Variants in TBC1D1 observed in about 807,000 individuals in gnomAD.
TBC1D1 encodes TBC1 (tre-2/USP6, BUB2, cdc16) domain family, member 1.
A neutral mutation model predicts 125.6 loss-of-function variants in TBC1D1; 89 were observed. The observed-to-expected ratio is 0.71, with a 90% CI of 0.60 to 0.85. The LOEUF (loss-of-function observed/expected upper bound fraction) is 0.85. TBC1D1 is among the 40% of genes least tolerant of loss of function. The pLI is 0.00. For synonymous variants in TBC1D1, 565 were observed against 564.1 expected (o/e 1.00, Z -0.02); for missense variants, 1,377 against 1,469.2 (o/e 0.94, Z 1.03).
chr4:37,951,585 C>T (rs1727883045), intron 2 of TBC1D1, among the ~76,000 whole-genome samples: 1 of 152,144 alleles, frequency 6.6e-6, no homozygotes, highest in South Asian at 2.1e-4. Flanking sequence ...CCAAGACTCT[C>T]CGCGAGATTT....
intron 2 of TBC1D1, among the ~76,000 whole-genome samples, chr4:37,909,186 C>T (rs1297920076): frequency 2.0e-5 from 3 of 152,172 alleles, no homozygotes; most frequent in African/African-American, 7.2e-5. Context: ...GGACCTTGTG[C>T]CTCCTCACCC....
chr4:38,046,434 A>G (rs1186152682), intron 10 of TBC1D1, among the ~76,000 whole-genome samples: 1 of 152,064 alleles, frequency 6.6e-6, no homozygotes, highest in Non-Finnish European at 1.5e-5. Flanking sequence ...AACATCAGAA[A>G]GTGGATTTGT....
Position 38,030,135 on chromosome 4 carries a change from C to T in TBC1D1, c.1302+2256C>T, listed in dbSNP as rs1467630022. On this transcript the variant is annotated intron_variant, in intron 7 of 19. Coordinates refer to ENST00000261439, the MANE Select transcript of TBC1D1 (RefSeq NM_015173.4). The stretch of plus-strand genomic sequence containing the variant: ...TTTCTTTTTTGTCTAGACAGCACCA[C>T]GTAGCTCTCCCTAAAACAGTGTGAT... 4.6e-5 allele frequency among the ~76,000 whole-genome samples: 7 copies of T among 152,184 alleles called. No individual in the cohort carries two copies. The East Asian group carries it at 5.8e-4, about 13-fold the overall frequency.
chr4:38,042,678 G>A (rs1748625098), intron 8 of TBC1D1, among the ~76,000 whole-genome samples: 1 of 152,178 alleles, frequency 6.6e-6, no homozygotes, highest in East Asian at 1.9e-4. Flanking sequence ...GTAACAGTCT[G>A]GCCAAGACCA....
chr4:37,978,730 C>T (rs1733757606), intron 2 of TBC1D1, among the ~76,000 whole-genome samples: 1 of 121,450 alleles, frequency 8.2e-6, no homozygotes, highest in Middle Eastern at 5.1e-3. Context: ...CTTTCAAAAA[C>T]GTTTTGAGTC....
intron 2 of TBC1D1, among the ~76,000 whole-genome samples, chr4:37,904,303 C>G (rs1056199304): frequency 6.6e-6 from 1 of 152,198 alleles, no homozygotes. Context: ...CTTCAGCTTT[C>G]AAAGATGAGA....
At chr4:37,941,440 G>T (rs1056644162) in intron 2 of TBC1D1, among the ~76,000 whole-genome samples, 1 of 152,074 alleles carries the variant, frequency 6.6e-6, no homozygotes, top group South Asian at 2.1e-4. Context: ...CTTGCTAGCG[G>T]TCTATCAATT....
rs185521443 is a variant in TBC1D1, at chr4:38,108,621, G to A, written c.2557+5464G>A. On this transcript the variant is annotated intron_variant, in intron 15 of 19. Coordinates refer to ENST00000261439, the MANE Select transcript of TBC1D1 (RefSeq NM_015173.4). The stretch of plus-strand genomic sequence containing the variant: ...TGGCATGCCTGTGCTGCCGCGAGAC[G>A]CTAAGCGTGTGTCCAGACTACACGT... 2.2e-3 allele frequency among the ~76,000 whole-genome samples: 341 copies of A among 152,316 alleles called. 1 individual carries two copies. Among genetic ancestry groups the A allele is most frequent in the Non-Finnish European group, 4.5e-3 (309 of 68,032 alleles).
intron 12 of TBC1D1, among the ~76,000 whole-genome samples, chr4:38,076,576 G>A (rs12233802): frequency 0.019 from 2,926 of 152,140 alleles, 69 homozygotes; most frequent in East Asian, 0.067. Flanking sequence ...AGGTACACAC[G>A]ACACACTGCT....
chr4:37,930,038 A>T (rs1217845661), intron 2 of TBC1D1, among the ~76,000 whole-genome samples: 2 of 152,216 alleles, frequency 1.3e-5, no homozygotes, highest in South Asian at 2.1e-4. Flanking sequence ...ATTCGTGCAC[A>T]TTATTGCCAA....
intron 1 of TBC1D1, among the ~76,000 whole-genome samples, chr4:37,895,181 A>C (rs145186639): frequency 6.6e-6 from 1 of 152,326 alleles, no homozygotes; most frequent in African/African-American, 2.4e-5. Flanking sequence ...TTCAATGATA[A>C]TATTCCTTTA....
intron 2 of TBC1D1, among the ~76,000 whole-genome samples, chr4:37,936,455 A>G (rs1724415834): frequency 6.6e-6 from 1 of 152,186 alleles, no homozygotes; most frequent in African/African-American, 2.4e-5. Context: ...AATCTGTTTG[A>G]GGGCAGTGAC....
intron 12 of TBC1D1, among the ~76,000 whole-genome samples, chr4:38,054,820 A>G (rs371918940): frequency 1.3e-5 from 2 of 152,184 alleles, no homozygotes; most frequent in East Asian, 1.9e-4. Context: ...ATGCTGCCAT[A>G]CTTCCGGGGT....
intron 2 of TBC1D1, among the ~76,000 whole-genome samples, chr4:37,929,218 T>A (rs1294408228): frequency 6.6e-6 from 1 of 152,226 alleles, no homozygotes; most frequent in African/African-American, 2.4e-5. Context: ...TGTCTATTCA[T>A]CTACCAGTCC....
intron 8 of TBC1D1, among the ~76,000 whole-genome samples, chr4:38,040,056 T>A (rs1334889686): frequency 6.6e-6 from 1 of 152,142 alleles, no homozygotes; most frequent in Non-Finnish European, 1.5e-5. Context: ...CATTTCTAAA[T>A]GTGAATTATT....
At chr4:38,046,729 TAAGC>T (rs1489983546) in intron 10 of TBC1D1, among the ~76,000 whole-genome samples, 2 of 152,242 alleles carry the variant, frequency 1.3e-5, no homozygotes, top group Non-Finnish European at 2.9e-5. Context: ...TTTATTTAAA[TAAGC>T]AAGTATCTAT....
rs1425803281 is a variant in TBC1D1, at chr4:37,960,703, C to T, written c.418-53806C>T. The T allele has an allele frequency of 5.0e-6, 8 of 1,614,036 alleles. No homozygotes were observed. The Admixed American group carries it at 1.0e-4, about 20-fold the overall frequency. ...AAACAAAAACAGCCAAGCTTTTCTG[C>T]CAAAAAGATGACCGAGAAGACTGTT... On this transcript the variant is annotated intron_variant, in intron 2 of 19. Transcript: ENST00000261439.
chr4:38,103,021 T>C lies in TBC1D1; in HGVS notation c.2421T>C (p.Gly807=), dbSNP rs768313925. Residue 807 remains glycine (G), a synonymous_variant, in exon 15 of 20, where the codon GGT becomes GGC. Coordinates refer to ENST00000261439, the MANE Select transcript of TBC1D1 (RefSeq NM_015173.4). ...AAGGTGTGCCACGTCATCACCGAGGTGAAATCTGGAAATTTCTAGCTGAGC... is the reference window on the plus strand; with the variant it reads ...AAGGTGTGCCACGTCATCACCGAGGCGAAATCTGGAAATTTCTAGCTGAGC... 2 of 1,614,170 alleles carry C rather than the reference T, an allele frequency of 1.2e-6. No homozygotes were observed. The highest frequency in any genetic ancestry group is 8.5e-7 in the Non-Finnish European group (1 of 1,180,026).
Position 38,115,874 on chromosome 4 carries a change from GAGGCGTTTA to G in TBC1D1, c.2724_2732del (p.Ala909_Lys911del). 6.2e-7 allele frequency: 1 copy of G among 1,614,222 alleles called. No individual in the cohort carries two copies. Among genetic ancestry groups the G allele is most frequent in the Non-Finnish European group, 8.5e-7 (1 of 1,180,030 alleles). On this transcript the variant is annotated inframe_deletion, in exon 16 of 20. Transcript: ENST00000261439. Reference sequence around the variant, plus strand: ...TTTGCTTCTTCATATGAGTGAGGAAGAGGCGTTTAAAATGCTCAAGTTTCTGATGTTTGA... The same window carrying G: ...TTTGCTTCTTCATATGAGTGAGGAAGAAATGCTCAAGTTTCTGATGTTTGA...
Sources: gnomAD v4.1 joint callset for allele counts (sites outside exome capture counted in the v4.1 genomes callset) on GRCh38, gnomAD v4.1.1 for gene constraint, MANE v1.5 for transcripts, NCBI Gene and HGNC (gene_info 2026-07-23, HGNC 2026-07-21) for gene names.